GTF2IRD1: variants seen among roughly 807,000 people sequenced by gnomAD.
The protein encoded by GTF2IRD1 is general transcription factor II-I repeat domain-containing protein 1.
GTF2IRD1 carries 26 observed loss-of-function variants against 113.2 expected under a neutral mutation model. The observed-to-expected ratio is 0.23, with a 90% CI of 0.17 to 0.32. The LOEUF (loss-of-function observed/expected upper bound fraction) is 0.32, where lower values mean the gene tolerates loss of function less well. Among genes scored for constraint, GTF2IRD1 ranks in the 10% least tolerant of loss-of-function variants. The probability of loss-of-function intolerance (pLI) is 1.00; values close to 1 mark genes in which losing one functional copy is unlikely to be tolerated. For synonymous variants in GTF2IRD1, 484 were observed against 529.1 expected, an observed-to-expected ratio of 0.91 and a Z score of 1.17; for missense variants, 864 against 1,280.8, an observed-to-expected ratio of 0.67 and a Z score of 4.97.
At chr7:74,523,811 G>T (rs587752664) in intron 7 of GTF2IRD1, among the ~76,000 whole-genome samples, 1 of 152,140 alleles carries the variant, frequency 6.6e-6, no homozygotes, top group Non-Finnish European at 1.5e-5. Context: ...GGATGGGCTC[G>T]GGATGGACAG....
At chr7:74,574,869 A>G (rs587631541) in intron 22 of GTF2IRD1, among the ~76,000 whole-genome samples, 1 of 151,908 alleles carries the variant, frequency 6.6e-6, no homozygotes, top group African/African-American at 2.4e-5. Flanking sequence ...TGGGCGGATC[A>G]CCTAAGGTCA....
In GTF2IRD1 at chr7:74,474,082, C is replaced by A. The variant is rs10538008; in HGVS notation, c.-7+19906C>A. 5.6e-3 allele frequency among the ~76,000 whole-genome samples: 163 copies of A among 29,054 alleles called. 1 individual carries two copies. The highest frequency in any genetic ancestry group is 2.5e-3 in the African/African-American group (34 of 13,498). The allele number at this position is 29,054 out of a possible 152,430, so 19.1% of individuals were successfully genotyped here. On this transcript the variant is annotated intron_variant, in intron 1 of 26. Transcript: ENST00000424337. The stretch of plus-strand genomic sequence containing the variant: ...CTACTAAAAATACAAAAAAAAAAAA[C>A]AAACAAAAAAATTAACTGGGCATGC...
chr7:74,477,658 C>T (rs1189675016), intron 1 of GTF2IRD1, among the ~76,000 whole-genome samples: 1 of 152,050 alleles, frequency 6.6e-6, no homozygotes, highest in Non-Finnish European at 1.5e-5. Flanking sequence ...TGGGCTGTTC[C>T]CCAGCCCACT....
chr7:74,497,067 T>C (rs1795777285), intron 1 of GTF2IRD1, among the ~76,000 whole-genome samples: 1 of 151,710 alleles, frequency 6.6e-6, no homozygotes, highest in African/African-American at 2.4e-5. Context: ...AAGGCTGAGG[T>C]GGGAAGATGG....
chr7:74,518,431 G>T, intron 5 of GTF2IRD1, 109 bp downstream of exon 5: 1 of 818,674 alleles, frequency 1.2e-6, no homozygotes, highest in Non-Finnish European at 1.9e-6. Context: ...AGATGCCCGT[G>T]GGGGACCCTG....
At chr7:74,550,502 C>T (rs1198066227) in intron 17 of GTF2IRD1, among the ~76,000 whole-genome samples, 3 of 151,466 alleles carry the variant, frequency 2.0e-5, no homozygotes, top group South Asian at 2.1e-4. Flanking sequence ...GTGGGAGGAT[C>T]GCTTGAGCCA....
chr7:74,513,119 T>A lies in GTF2IRD1; in HGVS notation c.265+148T>A. The A allele has an allele frequency of 9.1e-6, 7 of 766,488 alleles. No individual in the cohort carries two copies. In the South Asian group the frequency reaches 1.1e-4, roughly 12 times the overall value. 47.5% of individuals were successfully genotyped at this position (766,488 alleles called of 1,614,324 possible). A position where few individuals can be genotyped will look rare whatever the true frequency, so the allele number is the denominator to read the frequency against. ...AAGCTAGGTTGTCTGAGATTCCCGA[T>A]GTGGTGTTATTGAGGCAGCCCCTGA... On this transcript the variant is annotated intron_variant, in intron 3 of 26. Coordinates refer to ENST00000424337, the MANE Select transcript of GTF2IRD1 (RefSeq NM_005685.4).
chr7:74,524,546 G>A (rs1320104811), intron 8 of GTF2IRD1, among the ~76,000 whole-genome samples: 2 of 152,034 alleles, frequency 1.3e-5, no homozygotes, highest in African/African-American at 2.4e-5. Context: ...CCAACACAGT[G>A]AGACCTCCCA....
intron 22 of GTF2IRD1, among the ~76,000 whole-genome samples, chr7:74,565,132 AACCCACGCTCG>A (rs1283036272): frequency 1.1e-4 from 17 of 152,206 alleles, no homozygotes; most frequent in Non-Finnish European, 2.4e-4. Flanking sequence ...GGGCTGAGAC[AACCCACGCTCG>A]ACCCTGGGGG....
chr7:74,523,990 A>G, intron 7 of GTF2IRD1, 81 bp from the exon 8 acceptor site: 1 of 988,434 alleles, frequency 1.0e-6, no homozygotes, highest in Non-Finnish European at 1.6e-6. Context: ...CTGGGGGTGA[A>G]AGCCCGGTGG....
intron 17 of GTF2IRD1, 49 bp downstream of exon 17, chr7:74,547,335 C>A (rs1205746354): frequency 1.4e-6 from 2 of 1,446,772 alleles, no homozygotes; most frequent in African/African-American, 1.4e-5. Flanking sequence ...CTGCTCAGCA[C>A]CAAGGGGCAG....
At chr7:74,535,205 C>T in intron 10 of GTF2IRD1, 67 bp downstream of exon 10, 2 of 1,300,670 alleles carry the variant, frequency 1.5e-6, no homozygotes, top group Non-Finnish European at 2.2e-6. Flanking sequence ...CCCGAGCTGC[C>T]ACCACCCTGG....
intron 7 of GTF2IRD1, among the ~76,000 whole-genome samples, chr7:74,523,659 T>G (rs1221739839): frequency 6.6e-6 from 1 of 151,952 alleles, no homozygotes; most frequent in Non-Finnish European, 1.5e-5. Context: ...AGGCAGAGGT[T>G]GCAGTGAGCT....
chr7:74,460,548 G>C (rs1163475827), intron 1 of GTF2IRD1, among the ~76,000 whole-genome samples: 1 of 152,022 alleles, frequency 6.6e-6, no homozygotes, highest in Non-Finnish European at 1.5e-5. Context: ...AATGTCCTTG[G>C]TCGGGCCTCC....
chr7:74,513,487 T>G (rs1477527028), intron 3 of GTF2IRD1, among the ~76,000 whole-genome samples: 1 of 152,136 alleles, frequency 6.6e-6, no homozygotes, highest in Non-Finnish European at 1.5e-5. Flanking sequence ...GTATTTTTAG[T>G]AGAGACGGGG....
At chr7:74,546,023 A>G (rs1178622708) in intron 16 of GTF2IRD1, among the ~76,000 whole-genome samples, 9 of 151,926 alleles carry the variant, frequency 5.9e-5, no homozygotes, top group Non-Finnish European at 1.3e-4. Context: ...TCACTCACTC[A>G]CACTCTGCCT....
intron 25 of GTF2IRD1, 99 bp downstream of exon 25, chr7:74,595,150 A>T: frequency 2.8e-6 from 2 of 727,228 alleles, no homozygotes; most frequent in Non-Finnish European, 4.6e-6. Context: ...TCATGCCTGT[A>T]ATCCCAGCAC....
chr7:74,585,371 T>A (rs1554367447), intron 22 of GTF2IRD1, among the ~76,000 whole-genome samples: 1 of 151,896 alleles, frequency 6.6e-6, no homozygotes, highest in African/African-American at 2.4e-5. Flanking sequence ...CCTCGGCCTC[T>A]GAGAGTGCTG....
Position 74,545,599 on chromosome 7 carries a change from G to A in GTF2IRD1, c.1667-145G>A, listed in dbSNP as rs1554353018. On this transcript the variant is annotated intron_variant, in intron 15 of 26. Transcript: ENST00000424337. ...ACCTGTCTGCGTGTGCCATTTCTGA[G>A]GAAATAAGTTACCCACCGCCCCAGC... 4.5e-6 allele frequency: 3 copies of A among 659,360 alleles called. No individual in the cohort carries two copies. The African/African-American group carries it at 5.4e-5, about 12-fold the overall frequency. 40.8% of individuals were successfully genotyped at this position (659,360 alleles called of 1,614,324 possible).
Sources: gnomAD v4.1 joint callset for allele counts (sites outside exome capture counted in the v4.1 genomes callset) on GRCh38, gnomAD v4.1.1 for gene constraint, MANE v1.5 for transcripts, NCBI Gene and HGNC (gene_info 2026-07-23, HGNC 2026-07-21) for gene names.